CDH12: variants seen among roughly 807,000 people sequenced by gnomAD.
CDH12 encodes cadherin 12.
In CDH12, 41 loss-of-function variants were observed where a neutral mutation model predicts 74.1. The ratio of observed to expected loss-of-function variants is 0.55; its 90% confidence interval spans 0.43 to 0.72. CDH12 has a LOEUF of 0.72. CDH12 is among the 30% of genes least tolerant of loss of function. The pLI, the probability that CDH12 is intolerant of heterozygous loss-of-function variation, is 0.00. For missense variants in CDH12, 945 were observed against 977.2 expected (o/e 0.97, Z 0.44); for synonymous variants, 399 against 355.0 (o/e 1.12, Z -1.39).
chr5:22,640,716 T>C (rs1328008104), intron 1 of CDH12, among the ~76,000 whole-genome samples: 1 of 152,158 alleles, frequency 6.6e-6, no homozygotes, highest in African/African-American at 2.4e-5. Flanking sequence ...TTCCTTTACC[T>C]TACAAACCTA....
intron 3 of CDH12, among the ~76,000 whole-genome samples, chr5:22,250,208 C>T (rs1036130601): frequency 1.3e-5 from 2 of 148,236 alleles, no homozygotes; most frequent in African/African-American, 4.9e-5. Context: ...TATATATAGT[C>T]TACTGCTGTG....
intron 1 of CDH12, among the ~76,000 whole-genome samples, chr5:22,767,571 A>T (rs1308635021): frequency 6.6e-6 from 1 of 151,934 alleles, no homozygotes; most frequent in Non-Finnish European, 1.5e-5. Context: ...ATAATATAAT[A>T]ATTACCTGAA....
chr5:22,562,889 T>C (rs1314979894), intron 1 of CDH12, among the ~76,000 whole-genome samples: 1 of 148,310 alleles, frequency 6.7e-6, no homozygotes, highest in Admixed American at 6.7e-5. Flanking sequence ...TAAATTTATA[T>C]ATTTAAATAT....
At chr5:22,076,878 A>G (rs1342408980) in intron 5 of CDH12, among the ~76,000 whole-genome samples, 3 of 152,014 alleles carry the variant, frequency 2.0e-5, no homozygotes, top group Non-Finnish European at 4.4e-5. Context: ...CTCAGTGTCC[A>G]TTTATCGTTT....
intron 1 of CDH12, among the ~76,000 whole-genome samples, chr5:22,629,514 C>T (rs768131082): frequency 1.3e-5 from 2 of 152,006 alleles, no homozygotes; most frequent in South Asian, 2.1e-4. Flanking sequence ...CAAAACCACA[C>T]GATCATCTCA....
At chr5:22,750,917 G>GAAAAAA (rs34040056) in intron 1 of CDH12, among the ~76,000 whole-genome samples, 2 of 141,014 alleles carry the variant, frequency 1.4e-5, no homozygotes, top group Non-Finnish European at 3.1e-5. Flanking sequence ...AAATCATAGT[G>GAAAAAA]AAAAAAAAAA....
intron 4 of CDH12, among the ~76,000 whole-genome samples, chr5:22,120,046 C>T (rs968971997): frequency 7.9e-5 from 12 of 152,086 alleles, no homozygotes; most frequent in African/African-American, 2.2e-4. Context: ...ATTATTTTTG[C>T]ACCCCTAGGA....
In CDH12 at chr5:21,760,694, T is replaced by C; in HGVS notation, c.1516-19A>G. On this transcript the variant is annotated intron_variant, in intron 12 of 14. Coordinates refer to ENST00000382254, the MANE Select transcript of CDH12 (RefSeq NM_004061.5). ...GAATTATCTGCAACAGAGTTGAGAT[T>C]AAAGTCGGTCATCAGTTTCAAAGAG... 1 of 1,411,634 alleles carries C rather than the reference T, an allele frequency of 7.1e-7. No individual in the cohort carries two copies. Among genetic ancestry groups the C allele is most frequent in the Non-Finnish European group, 1.0e-6 (1 of 995,758 alleles). The allele number at this position is 1,411,634 out of a possible 1,614,324, so 87.4% of individuals were successfully genotyped here.
chr5:22,494,041 C>A (rs1352083494), intron 2 of CDH12, among the ~76,000 whole-genome samples: 1 of 152,086 alleles, frequency 6.6e-6, no homozygotes, highest in Admixed American at 6.6e-5. Flanking sequence ...GTGAAACCCC[C>A]ACAAATTGGG....
rs182417354 is a variant in CDH12, at chr5:22,037,445, G to C, written c.231+41001C>G. Among the ~76,000 whole-genome samples the C allele has an allele frequency of 7.2e-5, 11 of 152,260 alleles. No individual in the cohort carries two copies. The East Asian group carries it at 2.1e-3, about 29-fold the overall frequency. ...CTGCATCCACAAGCCAAAGTATTCA[G>C]GCAACCCTTGTTTCCCTGAAAAAGG... On this transcript the variant is annotated intron_variant, in intron 5 of 14. Coordinates refer to ENST00000382254, the MANE Select transcript of CDH12 (RefSeq NM_004061.5).
At chr5:22,392,364 C>T (rs1311342798) in intron 3 of CDH12, among the ~76,000 whole-genome samples, 1 of 152,100 alleles carries the variant, frequency 6.6e-6, no homozygotes, top group Non-Finnish European at 1.5e-5. Context: ...CACTTGACCC[C>T]CACCTGTTCG....
At chr5:21,763,255 A>G (rs941475476) in intron 12 of CDH12, among the ~76,000 whole-genome samples, 1 of 152,186 alleles carries the variant, frequency 6.6e-6, no homozygotes, top group Non-Finnish European at 1.5e-5. Flanking sequence ...AAAATACTCT[A>G]TGTCTGCAGT....
At chr5:22,374,196 C>T (rs961632547) in intron 3 of CDH12, among the ~76,000 whole-genome samples, 1 of 151,674 alleles carries the variant, frequency 6.6e-6, no homozygotes, top group Non-Finnish European at 1.5e-5. Context: ...ATTAACAGAA[C>T]AAAGGGCAAA....
At chr5:22,465,353 C>T (rs1745684166) in intron 2 of CDH12, among the ~76,000 whole-genome samples, 1 of 152,090 alleles carries the variant, frequency 6.6e-6, no homozygotes, top group Admixed American at 6.5e-5. Flanking sequence ...TCATAAAGAT[C>T]CTAATCAAAC....
chr5:21,816,624 CAAAAAAAAAAAAAA>C (rs542222336), intron 9 of CDH12, among the ~76,000 whole-genome samples: 1,423 of 18,022 alleles, frequency 0.079, 56 homozygotes, highest in African/African-American at 0.18. Context: ...AACTCCATCT[CAAAAAAAAAAAAAA>C]AAAAAAAAAA....
At chr5:22,826,345 A>G (rs907472324) in intron 1 of CDH12, among the ~76,000 whole-genome samples, 1 of 152,124 alleles carries the variant, frequency 6.6e-6, no homozygotes, top group Non-Finnish European at 1.5e-5. Flanking sequence ...TGACTTCTCC[A>G]TTAAAGCTCT....
chr5:22,178,942 C>T (rs1749485043), intron 4 of CDH12, among the ~76,000 whole-genome samples: 1 of 152,220 alleles, frequency 6.6e-6, no homozygotes, highest in Admixed American at 6.5e-5. Flanking sequence ...GACAGACTTG[C>T]ACAATGGTTA....
chr5:22,703,214 AC>A lies in CDH12; in HGVS notation c.-523+149843del, dbSNP rs1334797331. Reference sequence around the variant, plus strand: ...GTCAAGGGGATCTTTGTGCTATAAAACAATAGACCTTGTGCTATCTTTTTGT... The same window carrying A: ...GTCAAGGGGATCTTTGTGCTATAAAAAATAGACCTTGTGCTATCTTTTTGT... On this transcript the variant is annotated intron_variant, in intron 1 of 14. Transcript: ENST00000382254. 2.0e-5 allele frequency among the ~76,000 whole-genome samples: 3 copies of A among 152,304 alleles called. No individual in the cohort carries two copies. The East Asian group carries it at 5.8e-4, about 29-fold the overall frequency.
chr5:22,368,199 T>G (rs1327837765), intron 3 of CDH12, among the ~76,000 whole-genome samples: 2 of 152,212 alleles, frequency 1.3e-5, no homozygotes, highest in East Asian at 3.9e-4. Flanking sequence ...AAATTTAATT[T>G]TTTTCAGCTA....
Sources: allele counts gnomAD v4.1 joint callset (sites outside exome capture counted in the v4.1 genomes callset), GRCh38; gene constraint gnomAD v4.1.1; transcripts MANE v1.5; gene names NCBI Gene and HGNC (gene_info 2026-07-23, HGNC 2026-07-21).